Variants in SAMD9 observed in about 807,000 individuals in gnomAD.
The protein encoded by SAMD9 is sterile alpha motif domain containing 9, also known as sterile alpha motif domain-containing protein 9.
In SAMD9, 3 loss-of-function variants were observed where a neutral mutation model predicts 1.5. That is an observed-to-expected ratio of 2.05 (90% CI 0.93 to 5.29). SAMD9 has a LOEUF of 5.29. Among genes scored for constraint, SAMD9 ranks in the 30% most tolerant of loss-of-function variants. The pLI is 0.02. For missense variants in SAMD9, 1,597 were observed against 1,820.8 expected (o/e 0.88, Z 2.24); for synonymous variants, 635 against 631.9 (o/e 1.00, Z -0.07).
Position 93,101,574 on chromosome 7 carries a change from A to C in SAMD9, c.4524T>G (p.Ile1508Met). 1 of 1,613,864 alleles carries C rather than the reference A, an allele frequency of 6.2e-7. No homozygotes were observed. Among genetic ancestry groups the C allele is most frequent in the South Asian group, 1.1e-5 (1 of 91,082 alleles). Residue 1508 changes from isoleucine to methionine, a missense_variant, in exon 3 of 3, where the codon ATT (isoleucine) becomes ATG (methionine). By Grantham distance (10) the Ile-to-Met change is conservative. Around this residue, in one of 6 missense-constraint regions of SAMD9, gnomAD observed 682 missense variants for 810.0 expected, o/e 0.84. Coordinates refer to ENST00000379958, the MANE Select transcript of SAMD9 (RefSeq NM_017654.4). ...IDQCFKKTPD[I>M]NSLWQSGDVW... ...CATCTCCACTCTGCCACAAGGAATT[A>C]ATATCTGGTGTCTTCTTAAAGCACT...
At chr7:93,113,686 C>T (rs1327716318) in intron 2 of SAMD9, among the ~76,000 whole-genome samples, 1 of 152,156 alleles carries the variant, frequency 6.6e-6, no homozygotes, top group East Asian at 1.9e-4. Context: ...AGCCAACAGA[C>T]ACATGAAAAA....
At position 93,104,376 on chromosome 7, in the gene SAMD9, C is replaced by T. The variant is rs1791592912; in HGVS notation, c.1722G>A (p.Leu574=). 6.2e-7 allele frequency: 1 copy of T among 1,613,872 alleles called. No homozygotes were observed. The highest frequency in any genetic ancestry group is 1.6e-4 in the Middle Eastern group (1 of 6,062). The change falls in exon 3 of 3, where the codon CTG becomes CTA. Residue 574 remains leucine (L), a synonymous_variant. Coordinates refer to ENST00000379958, the MANE Select transcript of SAMD9 (RefSeq NM_017654.4). ...ATATGTGTGGGTGCACACAAATACACAGTATATTTTCCATTCCTTTGAGAT... is the reference window on the plus strand; with the variant it reads ...ATATGTGTGGGTGCACACAAATACATAGTATATTTTCCATTCCTTTGAGAT... ...YQDLKGMENI[L]CICVHPHIFQ...
At chr7:93,108,934 C>T (rs1179890229) in intron 2 of SAMD9, among the ~76,000 whole-genome samples, 1 of 152,202 alleles carries the variant, frequency 6.6e-6, no homozygotes, top group Admixed American at 6.5e-5. Context: ...CCCTGTCTGA[C>T]AGCTTTGAAA....
intron 2 of SAMD9, among the ~76,000 whole-genome samples, chr7:93,110,936 C>T (rs1791731815): frequency 1.3e-5 from 2 of 152,228 alleles, no homozygotes; most frequent in South Asian, 4.1e-4. Context: ...GAATTGAACT[C>T]AGCTCTGCAC....
At chr7:93,111,763 A>G (rs1394770203) in intron 2 of SAMD9, among the ~76,000 whole-genome samples, 2 of 152,260 alleles carry the variant, frequency 1.3e-5, no homozygotes, top group East Asian at 3.8e-4. Flanking sequence ...ATCAGGAAGA[A>G]GTTGAATCCC....
chr7:93,113,227 G>A (rs1407466900), intron 2 of SAMD9, among the ~76,000 whole-genome samples: 3 of 152,200 alleles, frequency 2.0e-5, no homozygotes, highest in African/African-American at 7.2e-5. Flanking sequence ...TTGATAAATG[G>A]TGCTGGGAAA....
chr7:93,114,447 G>T (rs765205029), intron 2 of SAMD9, among the ~76,000 whole-genome samples: 16 of 152,056 alleles, frequency 1.1e-4, no homozygotes, highest in Admixed American at 5.2e-4. Context: ...TTAAAGTATA[G>T]TTTTTTAAAA....
At chr7:93,109,423 C>A (rs1352710731) in intron 2 of SAMD9, among the ~76,000 whole-genome samples, 1 of 152,178 alleles carries the variant, frequency 6.6e-6, no homozygotes, top group East Asian at 1.9e-4. Flanking sequence ...CAACTCCTCG[C>A]CAGCAACGGA....
In SAMD9 at chr7:93,102,555, C is replaced by G. The variant is rs1200433231; in HGVS notation, c.3543G>C (p.Leu1181Phe). 6.2e-7 allele frequency: 1 copy of G among 1,613,818 alleles called. No homozygotes were observed. Among genetic ancestry groups the G allele is most frequent in the African/African-American group, 1.3e-5 (1 of 75,032 alleles). ...EDREYEVKER[L>F]YPKSKRRYDT... is the part of the protein sequence containing the mutation. ...CATACCGCCTTTTTGACTTCGGATA[C>G]AATCTTTCCTTCACTTCATACTCTC... Residue 1181 changes from leucine (L) to phenylalanine (F), a missense_variant, in exon 3 of 3, where the codon TTG becomes TTC. Leu to Phe is a conservative substitution (Grantham distance 22). Coordinates refer to ENST00000379958, the MANE Select transcript of SAMD9 (RefSeq NM_017654.4).
intron 1 of SAMD9, among the ~76,000 whole-genome samples, chr7:93,115,369 G>A (rs1791816887): frequency 6.6e-6 from 1 of 152,172 alleles, no homozygotes; most frequent in Admixed American, 6.5e-5. Flanking sequence ...CAATTCTCAT[G>A]AAAATTATTA....
rs113845417 is a variant in SAMD9, at chr7:93,117,627, A to G, written c.-110+236T>C. Among the ~76,000 whole-genome samples the G allele has an allele frequency of 8.8e-3, 1,340 of 152,266 alleles. 19 individuals are homozygous for G. The highest frequency in any genetic ancestry group is 0.031 in the Middle Eastern group (9 of 294). On this transcript the variant is annotated intron_variant, in intron 1 of 2. Transcript: ENST00000379958. Reference sequence around the variant, plus strand: ...GTATGCCTTGGGAGAGTTCATCAATAAAAGTGTCTGTAGTTTTCAACTGCA... The same window carrying G: ...GTATGCCTTGGGAGAGTTCATCAATGAAAGTGTCTGTAGTTTTCAACTGCA...
chr7:93,106,915 T>C (rs1167033114), intron 2 of SAMD9, among the ~76,000 whole-genome samples: 1 of 152,224 alleles, frequency 6.6e-6, no homozygotes, highest in Non-Finnish European at 1.5e-5. Context: ...TGGAGAATGC[T>C]GAAACATCAG....
At chr7:93,116,933 G>C (rs1162297887) in intron 1 of SAMD9, among the ~76,000 whole-genome samples, 1 of 152,126 alleles carries the variant, frequency 6.6e-6, no homozygotes, top group Non-Finnish European at 1.5e-5. Flanking sequence ...TTTCTAGAAG[G>C]GAGTTGAAGG....
chr7:93,107,050 T>C (rs536246752), intron 2 of SAMD9, among the ~76,000 whole-genome samples: 26 of 152,220 alleles, frequency 1.7e-4, no homozygotes, highest in South Asian at 4.1e-4. Context: ...TTAATTTTTT[T>C]TTTTTTTGAG....
At position 93,109,824 on chromosome 7, in the gene SAMD9, C is replaced by T. The variant is rs1362142859; in HGVS notation, c.-8-3719G>A. On this transcript the variant is annotated intron_variant, in intron 2 of 2. Coordinates refer to ENST00000379958, the MANE Select transcript of SAMD9 (RefSeq NM_017654.4). ...GGACTATATGAAAAGACCAAATCTA[C>T]GTTTGATTTGTGTACCTGAAAGTGA... Among the ~76,000 whole-genome samples, 13 of 152,150 alleles carry T rather than the reference C, an allele frequency of 8.5e-5. No homozygotes were observed. The East Asian group carries it at 1.7e-3, about 20-fold the overall frequency.
chr7:93,101,852 G>A lies in SAMD9; in HGVS notation c.4246C>T (p.Arg1416Ter), dbSNP rs1584251629. 1.9e-6 allele frequency: 3 copies of A among 1,613,828 alleles called. No individual in the cohort carries two copies. The highest frequency in any genetic ancestry group is 2.5e-6 in the Non-Finnish European group (3 of 1,179,786). Reference sequence around the variant, plus strand: ...AGTCCTATTGGTTGCAAGACTTCTCGAAGCTGATCTTTTAGTTTTTCAACT... The same window carrying A: ...AGTCCTATTGGTTGCAAGACTTCTCAAAGCTGATCTTTTAGTTTTTCAACT... ...KPVEKLKDQL[R>*]EVLQPIGLTY... is the part of the protein sequence containing the mutation. The change falls in exon 3 of 3, where the codon CGA (arginine) becomes TGA (stop). Residue 1416 changes from arginine (R) to a stop codon, truncating the protein, a stop_gained. Transcript: ENST00000379958. LOFTEE classifies it low-confidence loss of function (END_TRUNC).
At chr7:93,110,057 G>A (rs1203782763) in intron 2 of SAMD9, among the ~76,000 whole-genome samples, 2 of 152,208 alleles carry the variant, frequency 1.3e-5, no homozygotes, top group African/African-American at 4.8e-5. Flanking sequence ...CAGCCAGAAA[G>A]AAAGGTCCGG....
At position 93,103,694 on chromosome 7, in the gene SAMD9, C is replaced by CA. The variant is rs764757524; in HGVS notation, c.2403dup (p.Glu802Ter). 1 of 1,613,846 alleles carries CA rather than the reference C, an allele frequency of 6.2e-7. No individual in the cohort carries two copies. Among genetic ancestry groups the CA allele is most frequent in the South Asian group, 1.1e-5 (1 of 91,082 alleles). ...AGAAGATAGACATTATCTTGTTCTT[C>CA]AAAATCATCAACAAGGAGTAGTACA... On this transcript the variant is annotated frameshift_variant, in exon 3 of 3. Transcript: ENST00000379958. LOFTEE classifies it low-confidence loss of function (END_TRUNC).
intron 2 of SAMD9, among the ~76,000 whole-genome samples, chr7:93,111,833 A>C (rs1210350668): frequency 6.6e-6 from 1 of 152,212 alleles, no homozygotes; most frequent in Non-Finnish European, 1.5e-5. Flanking sequence ...ACCAACCAAA[A>C]AAAGTCCAGG....
Sources: allele counts gnomAD v4.1 joint callset (sites outside exome capture counted in the v4.1 genomes callset), GRCh38; gene constraint gnomAD v4.1.1; regional missense constraint gnomAD v4.1.1; transcripts MANE v1.5; gene names NCBI Gene and HGNC (gene_info 2026-07-23, HGNC 2026-07-21).